TESMIN: variants seen among roughly 807,000 people sequenced by gnomAD.
TESMIN encodes the protein CXC domain containing 2.
In TESMIN, 34 loss-of-function variants were observed where a neutral mutation model predicts 47.4. The observed-to-expected ratio is 0.72, with a 90% CI of 0.55 to 0.96. The LOEUF (loss-of-function observed/expected upper bound fraction) is 0.96. Among genes scored for constraint, TESMIN ranks in the 40% least tolerant of loss-of-function variants. TESMIN has a pLI of 0.00. For missense variants in TESMIN, 610 were observed against 637.2 expected (o/e 0.96, Z 0.46); for synonymous variants, 278 against 258.9 (o/e 1.07, Z -0.71).
chr11:68,749,647 G>A (rs527670629), intron 2 of TESMIN, among the ~76,000 whole-genome samples: 1 of 152,148 alleles, frequency 6.6e-6, no homozygotes, highest in African/African-American at 2.4e-5. Context: ...TGCTTGAAGA[G>A]CTATTACTCA....
chr11:68,724,697 C>T (rs551681714), intron 6 of TESMIN, among the ~76,000 whole-genome samples: 1 of 152,274 alleles, frequency 6.6e-6, no homozygotes, highest in Admixed American at 6.5e-5. Flanking sequence ...CCTTCTTAGA[C>T]CACAAAATGC....
At chr11:68,731,603 G>T (rs140302052) in intron 6 of TESMIN, among the ~76,000 whole-genome samples, 1,736 of 152,286 alleles carry the variant, frequency 0.011, 25 homozygotes, top group Middle Eastern at 0.027. Flanking sequence ...CTTAGTTGCG[G>T]GGAATAAAAA....
Position 68,715,853 on chromosome 11 carries a change from C to G in TESMIN, c.1004G>C (p.Arg335Pro), listed in dbSNP as rs202023075. ...ATTTATTACCTTAATGGCTTTAAACCGTTCAATATCATGATGCAAGTTGTT... is the reference window on the plus strand; with the variant it reads ...ATTTATTACCTTAATGGCTTTAAACGGTTCAATATCATGATGCAAGTTGTT... ...CCNNLHHDIE[R>P]FKAIKACLGR... is the part of the protein sequence containing the mutation. Residue 335 changes from arginine to proline, a missense_variant, in exon 7 of 10, where the codon CGG becomes CCG. Arg to Pro is a moderately radical substitution (Grantham distance 103). Transcript: ENST00000255087. 70 of 1,606,336 alleles carry G rather than the reference C, an allele frequency of 4.4e-5. No individual in the cohort carries two copies. Among genetic ancestry groups the G allele is most frequent in the Non-Finnish European group, 6.0e-5 (70 of 1,173,226 alleles).
At chr11:68,709,218 G>T (rs1946033483) in intron 9 of TESMIN, among the ~76,000 whole-genome samples, 1 of 152,220 alleles carries the variant, frequency 6.6e-6, no homozygotes, top group African/African-American at 2.4e-5. Context: ...GAACCCAGAG[G>T]ATCCCGGGCT....
intron 6 of TESMIN, among the ~76,000 whole-genome samples, chr11:68,721,489 C>T (rs1159343101): frequency 6.6e-6 from 1 of 152,154 alleles, no homozygotes; most frequent in Admixed American, 6.5e-5. Flanking sequence ...TCCACTCCGA[C>T]CTTTAATTAC....
rs764860896 is a variant in TESMIN, at chr11:68,715,978, G to A, written c.918-39C>T. 24 of 1,332,702 alleles carry A rather than the reference G, an allele frequency of 1.8e-5. No homozygotes were observed. The Admixed American group carries it at 2.4e-4, about 13-fold the overall frequency. The allele number at this position is 1,332,702 out of a possible 1,614,324, so 82.6% of individuals were successfully genotyped here. On this transcript the variant is annotated intron_variant, in intron 6 of 9. Coordinates refer to ENST00000255087, the MANE Select transcript of TESMIN (RefSeq NM_004923.3). ...GACAGAGTGAGTGGCAGGCACAGAC[G>A]GCACAGTGAGTAGTGAAAAGAAGAG... is the stretch of plus-strand genomic sequence containing the variant.
chr11:68,710,970 A>G lies in TESMIN; in HGVS notation c.1238T>C (p.Met413Thr). The G allele has an allele frequency of 1.2e-6, 2 of 1,613,900 alleles. No homozygotes were observed. Among genetic ancestry groups the G allele is most frequent in the Non-Finnish European group, 1.7e-6 (2 of 1,179,806 alleles). ...YEESPERKTL[M>T]SMPNYMQTGG... ...AGTCTGCATGTAGTTTGGCATGCTC[A>G]TTAGTGTCTTTCGTTCTGGGCTTTC... The change falls in exon 9 of 10, where the codon ATG becomes ACG. Residue 413 changes from methionine (M) to threonine (T), a missense_variant. Transcript: ENST00000255087.
rs1594302768 is a variant in TESMIN, at chr11:68,744,937, T to G, written c.751+54A>C. ...ACTTTATATACAAAGCCAAACATATTCATTTACCAACTTACATATATGACA... is the reference window on the plus strand; with the variant it reads ...ACTTTATATACAAAGCCAAACATATGCATTTACCAACTTACATATATGACA... On this transcript the variant is annotated intron_variant, in intron 4 of 9. Coordinates refer to ENST00000255087, the MANE Select transcript of TESMIN (RefSeq NM_004923.3). 22 of 1,434,916 alleles carry G rather than the reference T, an allele frequency of 1.5e-5. No homozygotes were observed. In the South Asian group the frequency reaches 2.7e-4, roughly 17 times the overall value. The allele number at this position is 1,434,916 out of a possible 1,614,324, so 88.9% of individuals were successfully genotyped here.
chr11:68,743,340 C>T (rs1303679082), intron 4 of TESMIN, among the ~76,000 whole-genome samples: 1 of 150,910 alleles, frequency 6.6e-6, no homozygotes, highest in South Asian at 2.1e-4. Context: ...AACCTTCTGG[C>T]CTCAAGCAAT....
chr11:68,717,333 A>G (rs1464128308), intron 6 of TESMIN, among the ~76,000 whole-genome samples: 1 of 152,176 alleles, frequency 6.6e-6, no homozygotes, highest in East Asian at 1.9e-4. Context: ...TTGGGTTCCA[A>G]TGTGCAGCAG....
chr11:68,724,263 C>T (rs981081592), intron 6 of TESMIN, among the ~76,000 whole-genome samples: 1 of 152,126 alleles, frequency 6.6e-6, no homozygotes. Context: ...AAGAGGAAAA[C>T]AATCTGATCA....
chr11:68,722,721 G>C (rs1005413783), intron 6 of TESMIN, among the ~76,000 whole-genome samples: 1 of 152,154 alleles, frequency 6.6e-6, no homozygotes, highest in African/African-American at 2.4e-5. Context: ...ATGTTATAAA[G>C]CATAACTCAC....
chr11:68,710,060 A>T (rs1173359905), intron 9 of TESMIN, among the ~76,000 whole-genome samples: 2 of 152,142 alleles, frequency 1.3e-5, no homozygotes. Flanking sequence ...CAGGAGGCTG[A>T]GGTGGGAGGA....
intron 6 of TESMIN, among the ~76,000 whole-genome samples, chr11:68,725,662 G>A (rs1471924029): frequency 6.6e-6 from 1 of 151,660 alleles, no homozygotes; most frequent in Admixed American, 6.6e-5. Context: ...TGTTGGAAAC[G>A]GGTTCTCACT....
intron 6 of TESMIN, among the ~76,000 whole-genome samples, chr11:68,734,022 A>AT (rs1946359214): frequency 6.6e-6 from 1 of 152,048 alleles, no homozygotes; most frequent in Non-Finnish European, 1.5e-5. Context: ...TTAAATCTCT[A>AT]TTTTTTGTGC....
At chr11:68,738,320 A>C (rs1946412608) in intron 6 of TESMIN, 7 of 1,016,046 alleles carry the variant, frequency 6.9e-6, no homozygotes, top group Non-Finnish European at 8.3e-6. Context: ...CCCCCCGTTC[A>C]TGCTGCATGG....
At chr11:68,709,089 A>AAAAG (rs59677985) in intron 9 of TESMIN, among the ~76,000 whole-genome samples, 93,620 of 150,024 alleles carry the variant, frequency 0.62, 30,126 homozygotes, top group East Asian at 0.78. Context: ...GAAAGAAAAG[A>AAAAG]AAAGAAAGAA....
intron 6 of TESMIN, among the ~76,000 whole-genome samples, chr11:68,726,653 C>T (rs1946267589): frequency 6.6e-6 from 1 of 151,492 alleles, no homozygotes; most frequent in Non-Finnish European, 1.5e-5. Context: ...AAGAGACTAC[C>T]AAAAAAAATG....
At chr11:68,720,576 G>T (rs759944774) in intron 6 of TESMIN, among the ~76,000 whole-genome samples, 1 of 152,048 alleles carries the variant, frequency 6.6e-6, no homozygotes, top group South Asian at 2.1e-4. Context: ...TCAATTCAGC[G>T]TGTCCACCCC....
Sources: gnomAD v4.1 joint callset for allele counts (sites outside exome capture counted in the v4.1 genomes callset) on GRCh38, gnomAD v4.1.1 for gene constraint, MANE v1.5 for transcripts, NCBI Gene and HGNC (gene_info 2026-07-23, HGNC 2026-07-21) for gene names.